The following ADCY8 variants were observed in gnomAD, a reference collection of about 807,000 sequenced individuals.
The protein encoded by ADCY8 is adenylate cyclase type 8.
A neutral mutation model predicts 119.7 loss-of-function variants in ADCY8; 51 were observed. The ratio of observed to expected loss-of-function variants is 0.43; its 90% CI spans 0.34 to 0.54. The LOEUF is 0.54. Ranked by LOEUF, ADCY8 falls within the 20% of genes least tolerant of loss-of-function variation. The pLI, the probability that ADCY8 is intolerant of heterozygous loss-of-function variation, is 0.03. For synonymous variants in ADCY8, 665 were observed against 651.0 expected (o/e 1.02, Z -0.33); for missense variants, 1,383 against 1,598.8 (o/e 0.87, Z 2.30).
At chr8:130,869,958 T>TCCTG in intron 8 of ADCY8, among the ~76,000 whole-genome samples, 1 of 78,216 alleles carries the variant, frequency 1.3e-5, no homozygotes, top group Non-Finnish European at 2.5e-5. Context: ...TTCTTCTTCT[T>TCCTG]CTTCCTTCTT....
chr8:130,826,881 T>C (rs1816683995), intron 12 of ADCY8, among the ~76,000 whole-genome samples: 1 of 151,848 alleles, frequency 6.6e-6, no homozygotes, highest in South Asian at 2.1e-4. Context: ...GATCTTAAGA[T>C]ATTTTGTTGA....
At chr8:130,861,288 GA>G (rs1385732099) in intron 9 of ADCY8, among the ~76,000 whole-genome samples, 2 of 152,140 alleles carry the variant, frequency 1.3e-5, no homozygotes, top group African/African-American at 4.8e-5. Flanking sequence ...ATCAAGTTGG[GA>G]AAAATTAACA....
chr8:131,025,413 G>C (rs938662084), intron 1 of ADCY8, among the ~76,000 whole-genome samples: 2 of 152,070 alleles, frequency 1.3e-5, no homozygotes, highest in Non-Finnish European at 2.9e-5. Flanking sequence ...TAACAACTCT[G>C]TGTTCAGCAT....
intron 14 of ADCY8, among the ~76,000 whole-genome samples, chr8:130,813,297 T>C (rs964320669): frequency 2.0e-5 from 3 of 152,208 alleles, no homozygotes; most frequent in Non-Finnish European, 4.4e-5. Flanking sequence ...TATAGTCACA[T>C]TGTTGTGCAA....
At chr8:130,874,485 T>G (rs1818487788) in intron 8 of ADCY8, among the ~76,000 whole-genome samples, 1 of 151,256 alleles carries the variant, frequency 6.6e-6, no homozygotes, top group Admixed American at 6.6e-5. Flanking sequence ...AGCAATTAAT[T>G]CTATGAGTGA....
At position 130,847,485 on chromosome 8, in the gene ADCY8, G is replaced by T. The variant is rs1407655091; in HGVS notation, c.2441C>A (p.Pro814His). Residue 814 changes from proline to histidine, a missense_variant, in exon 11 of 18, where the codon CCC (proline) becomes CAC (histidine). By Grantham distance (77) the Pro-to-His change is moderately conservative. Transcript: ENST00000286355. ...ILWCDFDKSI[P>H]LKNLTFNSSA... is the part of the protein sequence containing the mutation. ...GGAATTGAAAGTCAGGTTCTTCAAG[G>T]GTATCGACTTGTCAAAATCACACCA... is the stretch of plus-strand genomic sequence containing the variant. 1.2e-6 allele frequency: 2 copies of T among 1,611,952 alleles called. No homozygotes were observed. The highest frequency in any genetic ancestry group is 2.2e-5 in the East Asian group (1 of 44,804).
At chr8:130,936,129 T>C (rs1241543005) in intron 5 of ADCY8, among the ~76,000 whole-genome samples, 1 of 150,160 alleles carries the variant, frequency 6.7e-6, no homozygotes, top group Non-Finnish European at 1.5e-5. Flanking sequence ...CTATGCATCC[T>C]CTTGTTACTG....
At position 130,903,860 on chromosome 8, in the gene ADCY8, G is replaced by T; in HGVS notation, c.1823C>A (p.Ser608Tyr). The change falls in exon 7 of 18, where the codon TCC (serine) becomes TAC (tyrosine). Residue 608 changes from serine (S) to tyrosine (Y), a missense_variant. By Grantham distance (144) the Ser-to-Tyr change is moderately radical. Transcript: ENST00000286355. ...PEDIVKESVS[S>Y]SDRRNSGATF... The stretch of plus-strand genomic sequence containing the variant: ...GGCCCCACTGTTTCTCCGGTCTGAG[G>T]AGCTCACTGACTCCTTGACGATATC... The T allele has an allele frequency of 6.2e-7, 1 of 1,613,988 alleles. No homozygotes were observed. Among genetic ancestry groups the T allele is most frequent in the Non-Finnish European group, 8.5e-7 (1 of 1,179,996 alleles).
intron 15 of ADCY8, among the ~76,000 whole-genome samples, chr8:130,790,721 A>G (rs1363719847): frequency 6.6e-6 from 1 of 151,986 alleles, no homozygotes; most frequent in Admixed American, 6.6e-5. Flanking sequence ...CTCCCTGGGG[A>G]CCTCAGCTCA....
chr8:130,935,176 C>T (rs952540527), intron 5 of ADCY8, among the ~76,000 whole-genome samples: 1 of 152,140 alleles, frequency 6.6e-6, no homozygotes, highest in Non-Finnish European at 1.5e-5. Flanking sequence ...AGTCTCTTTG[C>T]CCTGTGCTGG....
At chr8:130,977,024 A>G (rs1251476234) in intron 2 of ADCY8, among the ~76,000 whole-genome samples, 1 of 152,176 alleles carries the variant, frequency 6.6e-6, no homozygotes, top group Non-Finnish European at 1.5e-5. Context: ...CTTCTGCTGC[A>G]TCTCAGCTAT....
chr8:130,929,795 G>A (rs1411202479), intron 5 of ADCY8, among the ~76,000 whole-genome samples: 2 of 152,038 alleles, frequency 1.3e-5, no homozygotes, highest in East Asian at 3.9e-4. Flanking sequence ...ATTAATATTT[G>A]CCTTGTATTT....
At chr8:131,027,492 T>G (rs888920372) in intron 1 of ADCY8, among the ~76,000 whole-genome samples, 1 of 152,012 alleles carries the variant, frequency 6.6e-6, no homozygotes. Flanking sequence ...CAGCGGAGCA[T>G]GGGGTGGCTT....
In ADCY8 at chr8:130,783,757, G is replaced by A. The variant is rs1815162783; in HGVS notation, c.3202C>T (p.Leu1068Phe). The A allele has an allele frequency of 1.2e-6, 2 of 1,613,954 alleles. No homozygotes were observed. The highest frequency in any genetic ancestry group is 1.7e-6 in the Non-Finnish European group (2 of 1,179,910). The change falls in exon 17 of 18, where the codon CTC (leucine) becomes TTC (phenylalanine). Residue 1068 changes from leucine (L) to phenylalanine (F), a missense_variant. Around this residue, in one of 2 missense-constraint regions of ADCY8, gnomAD observed 928 missense variants for 1,163.5 expected, o/e 0.80. Coordinates refer to ENST00000286355, the MANE Select transcript of ADCY8 (RefSeq NM_001115.3). ...GHLCALADFSLALTESIQEIN... is the reference protein window; with the variant it reads ...GHLCALADFSFALTESIQEIN... ...TCCTGTATGCTTTCTGTCAGGGCGA[G>A]TGAGAAGTCAGCCAGAGCACACAAA...
At chr8:130,858,707 T>G (rs535338479) in intron 9 of ADCY8, among the ~76,000 whole-genome samples, 1 of 152,214 alleles carries the variant, frequency 6.6e-6, no homozygotes, top group South Asian at 2.1e-4. Flanking sequence ...TCATAAAATA[T>G]GTAGACTTTC....
intron 15 of ADCY8, among the ~76,000 whole-genome samples, chr8:130,786,769 G>C (rs943817554): frequency 1.3e-5 from 2 of 152,124 alleles, no homozygotes; most frequent in African/African-American, 2.4e-5. Flanking sequence ...AAATATACAG[G>C]GTAGAGGGAT....
intron 14 of ADCY8, among the ~76,000 whole-genome samples, chr8:130,809,525 C>G (rs186837036): frequency 6.6e-6 from 1 of 152,234 alleles, no homozygotes; most frequent in East Asian, 1.9e-4. Flanking sequence ...ATTTTTATGC[C>G]TTTGGCCATT....
At chr8:131,030,877 C>A (rs77874056) in intron 1 of ADCY8, among the ~76,000 whole-genome samples, 1,726 of 152,252 alleles carry the variant, frequency 0.011, 33 homozygotes, top group African/African-American at 0.04. Context: ...TCTTATTGGG[C>A]AGAGATCCCA....
At chr8:130,865,694 G>C (rs967034169) in intron 9 of ADCY8, among the ~76,000 whole-genome samples, 1 of 152,086 alleles carries the variant, frequency 6.6e-6, no homozygotes, top group Admixed American at 6.6e-5. Context: ...TAACTCTATA[G>C]AGCTTTCTCT....
Sources: allele counts gnomAD v4.1 joint callset (sites outside exome capture counted in the v4.1 genomes callset), GRCh38; gene constraint gnomAD v4.1.1; regional missense constraint gnomAD v4.1.1; transcripts MANE v1.5; gene names NCBI Gene and HGNC (gene_info 2026-07-23, HGNC 2026-07-21).